CLASP1: variants seen among roughly 807,000 people sequenced by gnomAD.
The protein encoded by CLASP1 is CLIP-associating protein 1.
CLASP1 carries 38 observed loss-of-function variants against 192.3 expected under a neutral mutation model. The ratio of observed to expected loss-of-function variants is 0.20; its 90% CI spans 0.15 to 0.26. CLASP1 has a LOEUF of 0.26. Among genes scored for constraint, CLASP1 ranks in the 10% least tolerant of loss-of-function variants. The pLI is 1.00. For missense variants in CLASP1, 1,433 were observed against 1,932.5 expected (o/e 0.74, Z 4.85); for synonymous variants, 691 against 712.8 (o/e 0.97, Z 0.49).
chr2:121,479,246 T>G (rs1559372451), intron 8 of CLASP1, among the ~76,000 whole-genome samples: 1 of 151,004 alleles, frequency 6.6e-6, no homozygotes, highest in Non-Finnish European at 1.5e-5. Flanking sequence ...GAACTAAAAC[T>G]ATCTCCATTT....
chr2:121,631,916 G>A (rs914710215), intron 1 of CLASP1, among the ~76,000 whole-genome samples: 5 of 151,896 alleles, frequency 3.3e-5, no homozygotes, highest in East Asian at 3.9e-4. Context: ...GCGTGGTGGC[G>A]TGCCCATGTA....
chr2:121,377,508 C>T (rs948152640), exon 34 of CLASP1: 4 of 1,603,780 alleles, frequency 2.5e-6, no homozygotes, highest in African/African-American at 2.7e-5. Context: ...CAATATCACA[C>T]TCCTTTTTGC....
At chr2:121,624,935 T>G (rs1338669718) in intron 1 of CLASP1, among the ~76,000 whole-genome samples, 1 of 152,214 alleles carries the variant, frequency 6.6e-6, no homozygotes, top group African/African-American at 2.4e-5. Context: ...GTGATTTCAG[T>G]GTGTGTAGTT....
chr2:121,391,113 C>T (rs575079636), intron 30 of CLASP1, among the ~76,000 whole-genome samples: 4 of 152,216 alleles, frequency 2.6e-5, no homozygotes, highest in African/African-American at 4.8e-5. Flanking sequence ...CACATACACA[C>T]GCTCATATAT....
At chr2:121,602,663 G>A (rs565964015) in intron 2 of CLASP1, among the ~76,000 whole-genome samples, 49 of 152,192 alleles carry the variant, frequency 3.2e-4, no homozygotes. Context: ...ACATATCTAC[G>A]GCCAACTGAC....
At chr2:121,636,305 C>T (rs1354045334) in intron 1 of CLASP1, among the ~76,000 whole-genome samples, 1 of 150,222 alleles carries the variant, frequency 6.7e-6, no homozygotes, top group African/African-American at 2.5e-5. Flanking sequence ...CACTGCACTC[C>T]AACCTGGGTG....
intron 2 of CLASP1, among the ~76,000 whole-genome samples, chr2:121,577,344 TAGG>T: frequency 6.6e-6 from 1 of 152,082 alleles, no homozygotes; most frequent in Non-Finnish European, 1.5e-5. Flanking sequence ...TCTCTATCAA[TAGG>T]AGACAAATTA....
chr2:121,570,627 T>C (rs1454567581), intron 2 of CLASP1, among the ~76,000 whole-genome samples: 1 of 152,162 alleles, frequency 6.6e-6, no homozygotes, highest in African/African-American at 2.4e-5. Context: ...CAAGAGAGGG[T>C]GAGTGTATCA....
At chr2:121,478,648 C>CCA (rs367703736) in intron 8 of CLASP1, among the ~76,000 whole-genome samples, 4 of 98,650 alleles carry the variant, frequency 4.1e-5, no homozygotes, top group South Asian at 3.2e-4. Context: ...CACACACCCC[C>CCA]CACACACACA....
intron 2 of CLASP1, among the ~76,000 whole-genome samples, chr2:121,593,637 A>G (rs2062706111): frequency 6.6e-6 from 1 of 150,852 alleles, no homozygotes; most frequent in Non-Finnish European, 1.5e-5. Flanking sequence ...AAAAAAAAAA[A>G]AAAAAAAAGG....
At chr2:121,607,871 T>C (rs369232771) in intron 1 of CLASP1, among the ~76,000 whole-genome samples, 1 of 152,208 alleles carries the variant, frequency 6.6e-6, no homozygotes, top group South Asian at 2.1e-4. Context: ...TGAGATTCTT[T>C]CTGAGGTATG....
chr2:121,397,634 C>T (rs188596663), intron 29 of CLASP1, among the ~76,000 whole-genome samples: 1 of 152,310 alleles, frequency 6.6e-6, no homozygotes, highest in East Asian at 1.9e-4. Flanking sequence ...GCATGTTCAG[C>T]TCTAGTTTTG....
chr2:121,542,762 G>A (rs866448080), intron 2 of CLASP1, among the ~76,000 whole-genome samples: 1 of 152,144 alleles, frequency 6.6e-6, no homozygotes, highest in African/African-American at 2.4e-5. Flanking sequence ...AAAGTTATGG[G>A]CTATTACCAG....
At chr2:121,512,966 G>A (rs2094182246) in intron 7 of CLASP1, 1 of 152,144 alleles carries the variant, frequency 6.6e-6, no homozygotes, top group Non-Finnish European at 1.5e-5. Flanking sequence ...TTGCTAAGTT[G>A]AAAAATCTAT....
chr2:121,400,372 C>T (rs989107775), intron 28 of CLASP1, among the ~76,000 whole-genome samples: 4 of 152,156 alleles, frequency 2.6e-5, no homozygotes, highest in African/African-American at 9.7e-5. Flanking sequence ...AAACAGCTGG[C>T]ATCATGGTGT....
chr2:121,341,964 C>T (rs954489626), intron 39 of CLASP1, among the ~76,000 whole-genome samples: 1 of 151,452 alleles, frequency 6.6e-6, no homozygotes, highest in Admixed American at 6.6e-5. Context: ...AAAAAGATAC[C>T]AAAGCATCTT....
exon 38 of CLASP1, chr2:121,348,666 G>C: frequency 1.2e-6 from 2 of 1,613,802 alleles, no homozygotes; most frequent in South Asian, 1.1e-5. Context: ...GCACTGCTCC[G>C]GGTGGATGGA....
intron 26 of CLASP1, 37 bp from the exon 28 acceptor site, chr2:121,401,907 A>G (rs759100911): frequency 7.3e-6 from 5 of 682,654 alleles, no homozygotes; most frequent in African/African-American, 7.0e-5. Context: ...GCCATGCAAC[A>G]AAACAAATTC....
chr2:121,467,566 CT>C (rs1234042920), intron 9 of CLASP1, among the ~76,000 whole-genome samples: 1 of 152,102 alleles, frequency 6.6e-6, no homozygotes, highest in African/African-American at 2.4e-5. Context: ...TGATGTTGAG[CT>C]TTTTTTCATG....
Sources: gnomAD v4.1 joint callset for allele counts (sites outside exome capture counted in the v4.1 genomes callset) on GRCh38, gnomAD v4.1.1 for gene constraint, MANE v1.5 for transcripts, NCBI Gene and HGNC (gene_info 2026-07-23, HGNC 2026-07-21) for gene names.